The following FCN1 variants were observed in gnomAD, a reference collection of about 807,000 sequenced individuals.
The protein encoded by FCN1 is ficolin 1.
Under a neutral mutation model 35.6 loss-of-function variants are expected in FCN1, and 42 were observed. That is an observed-to-expected ratio of 1.18 (90% CI 0.92 to 1.53). The LOEUF is 1.53. Among genes scored for constraint, FCN1 ranks in the 40% most tolerant of loss-of-function variants. The pLI is 0.00. For missense variants in FCN1, 439 were observed against 428.4 expected (o/e 1.02, Z -0.22); for synonymous variants, 179 against 169.8 (o/e 1.05, Z -0.42).
chr9:134,911,303 GA>G, intron 7 of FCN1, 36 bp from the exon 8 acceptor site: 1 of 1,593,714 alleles, frequency 6.3e-7, no homozygotes, highest in South Asian at 1.1e-5. Context: ...CAGCCTTTAA[GA>G]TCTTTCTGTC....
At position 134,905,962 on chromosome 9, in the gene FCN1, C is replaced by T. The variant is rs961826079; in HGVS notation, c.*3836G>A. 8.1e-6 allele frequency: 1 copy of T among 124,006 alleles called. No homozygotes were observed. The highest frequency in any genetic ancestry group is 1.5e-5 in the Non-Finnish European group (1 of 66,370). The allele number at this position is 124,006 out of a possible 1,614,324, so 7.7% of individuals were successfully genotyped here. On this transcript the variant is annotated 3_prime_UTR_variant, in exon 9 of 9. Transcript: ENST00000371806. The stretch of plus-strand genomic sequence containing the variant: ...CCCTCTCCCTCTCCCTCTCCCTCTC[C>T]CTCTTTCTCCTTCTTCTTCTTCTTC...
At position 134,904,517 on chromosome 9, in the gene FCN1, A is replaced by G. The variant is rs1830918104; in HGVS notation, c.*5281T>C. ...TATGAGGCTGGGCACGGTGTCTCACATCTGTAATCCTAGCACTTTGGGAGG... is the reference window on the plus strand; with the variant it reads ...TATGAGGCTGGGCACGGTGTCTCACGTCTGTAATCCTAGCACTTTGGGAGG... On this transcript the variant is annotated 3_prime_UTR_variant, in exon 9 of 9. Transcript: ENST00000371806. Among the ~76,000 whole-genome samples the G allele has an allele frequency of 6.6e-6, 1 of 152,194 alleles. No individual in the cohort carries two copies. The highest frequency in any genetic ancestry group is 2.4e-5 in the African/African-American group (1 of 41,454).
chr9:134,912,824 C>G (rs777229222), intron 6 of FCN1, among the ~76,000 whole-genome samples, 192 bp downstream of exon 6: 10 of 152,238 alleles, frequency 6.6e-5, no homozygotes, highest in Admixed American at 1.3e-4. Context: ...CCAAGCCACA[C>G]AGCAGGAGAG....
intron 4 of FCN1, among the ~76,000 whole-genome samples, chr9:134,914,014 G>A (rs1831060422): frequency 1.3e-5 from 2 of 151,386 alleles, no homozygotes; most frequent in South Asian, 2.1e-4. Flanking sequence ...CTCAGCCCCC[G>A]GCTCCGGTTT....
intron 5 of FCN1, 43 bp from the exon 6 acceptor site, chr9:134,913,186 G>A (rs774450314): frequency 6.2e-7 from 1 of 1,609,054 alleles, no homozygotes. Context: ...CGGGGGCCCT[G>A]GGCAGGACAG....
In FCN1 at chr9:134,911,188, A is replaced by C; in HGVS notation, c.678T>G (p.Ala226=). 1 of 1,614,186 alleles carries C rather than the reference A, an allele frequency of 6.2e-7. No homozygotes were observed. ...CCAGCTTGTACTTCTCTGCCTCGTC[A>C]GCCACCTTGAATGATTTGTACTTAG... ...QFAKYKSFKV[A]DEAEKYKLVL... is the part of the protein sequence containing the mutation. The change falls in exon 8 of 9, where the codon GCT becomes GCG. Residue 226 remains alanine, a synonymous_variant. Transcript: ENST00000371806.
In FCN1 at chr9:134,913,573, T is replaced by C; in HGVS notation, c.340+8A>G. On this transcript the variant is annotated splice_region_variant and intron_variant, in intron 5 of 8. Transcript: ENST00000371806. The stretch of plus-strand genomic sequence containing the variant: ...CTTGGGTACCGAGGTCAGGGTGTGA[T>C]CAGTCACCTGTCGCACACGACTGAG... The C allele has an allele frequency of 6.2e-7, 1 of 1,605,302 alleles. No homozygotes were observed. The highest frequency in any genetic ancestry group is 8.5e-7 in the Non-Finnish European group (1 of 1,174,896).
At position 134,912,675 on chromosome 9, in the gene FCN1, G is replaced by C. The variant is rs574736492; in HGVS notation, c.469-60C>G. 25 of 1,610,208 alleles carry C rather than the reference G, an allele frequency of 1.6e-5. No homozygotes were observed. In the East Asian group the frequency reaches 2.5e-4, roughly 16 times the overall value. ...CAGGCCGAGGTCCCACAGCACCGGGGACCCGCCCTCCAGAGGAGCAGCATT... is the reference window on the plus strand; with the variant it reads ...CAGGCCGAGGTCCCACAGCACCGGGCACCCGCCCTCCAGAGGAGCAGCATT... On this transcript the variant is annotated intron_variant, in intron 6 of 8. Coordinates refer to ENST00000371806, the MANE Select transcript of FCN1 (RefSeq NM_002003.5).
rs576110383 is a variant in FCN1, at chr9:134,909,951, T to C, written c.828A>G (p.Gly276=). 6.2e-7 allele frequency: 1 copy of C among 1,614,084 alleles called. No individual in the cohort carries two copies. The highest frequency in any genetic ancestry group is 1.3e-5 in the African/African-American group (1 of 75,006). Residue 276 remains glycine (G), a synonymous_variant, in exon 9 of 9, where the codon GGA becomes GGG. Coordinates refer to ENST00000371806, the MANE Select transcript of FCN1 (RefSeq NM_002003.5). ...SSSNCAEKFQ[G]AWWYADCHAS... ...CATGACAGTCGGCGTACCACCAGGCTCCTTGGAACTTCTCAGCACAATTCG... is the reference window on the plus strand; with the variant it reads ...CATGACAGTCGGCGTACCACCAGGCCCCTTGGAACTTCTCAGCACAATTCG...
Position 134,917,878 on chromosome 9 carries a change from T to C in FCN1, c.-7A>G. The C allele has an allele frequency of 6.2e-7, 1 of 1,604,402 alleles. No homozygotes were observed. Among genetic ancestry groups the C allele is most frequent in the Non-Finnish European group, 8.5e-7 (1 of 1,171,374 alleles). On this transcript the variant is annotated 5_prime_UTR_variant, in exon 1 of 9. Coordinates refer to ENST00000371806, the MANE Select transcript of FCN1 (RefSeq NM_002003.5). ...TGGCTCCACTCAGCTCCATGCTCTC[T>C]GGCCTTTGACTCTGAAGAGTCCCCC...
intron 5 of FCN1, 48 bp from the exon 6 acceptor site, chr9:134,913,191 G>C (rs1164380271): frequency 6.2e-7 from 1 of 1,609,796 alleles, no homozygotes. Context: ...GCCCTGGGCA[G>C]GACAGGGGCA....
chr9:134,917,065 G>A (rs931250515), intron 1 of FCN1, among the ~76,000 whole-genome samples: 4 of 152,138 alleles, frequency 2.6e-5, no homozygotes, highest in South Asian at 2.1e-4. Context: ...AAATCTACAC[G>A]CCCTGCTAAG....
In FCN1 at chr9:134,910,747, A is replaced by G. The variant is rs534760219; in HGVS notation, c.733+386T>C. On this transcript the variant is annotated intron_variant, in intron 8 of 8. Transcript: ENST00000371806. Reference sequence around the variant, plus strand: ...TTCCCTAAGCAGACGCCCTGTAGGAAATGCCTCCCCAGATCGTGTAGCCAG... The same window carrying G: ...TTCCCTAAGCAGACGCCCTGTAGGAGATGCCTCCCCAGATCGTGTAGCCAG... Among the ~76,000 whole-genome samples, 22 of 152,318 alleles carry G rather than the reference A, an allele frequency of 1.4e-4. 1 individual carries two copies. In the South Asian group the frequency reaches 4.6e-3, roughly 32 times the overall value.
At chr9:134,916,192 G>A (rs1177840654) in intron 2 of FCN1, among the ~76,000 whole-genome samples, 156 bp downstream of exon 2, 1 of 152,200 alleles carries the variant, frequency 6.6e-6, no homozygotes, top group Non-Finnish European at 1.5e-5. Context: ...TTGGGCCCTG[G>A]GAGTCAGCTC....
rs1309519910 is a variant in FCN1 at position 134,905,629 on chromosome 9, A to G, written c.*4169T>C. On this transcript the variant is annotated 3_prime_UTR_variant, in exon 9 of 9. Coordinates refer to ENST00000371806, the MANE Select transcript of FCN1 (RefSeq NM_002003.5). ...TTCTCGAGTAGCTGGGACGATAGGCATCCCCCACCATGAACGGCTAATTTT... is the reference window on the plus strand; with the variant it reads ...TTCTCGAGTAGCTGGGACGATAGGCGTCCCCCACCATGAACGGCTAATTTT... Among the ~76,000 whole-genome samples, 1 of 151,694 alleles carries G rather than the reference A, an allele frequency of 6.6e-6. No individual in the cohort carries two copies. The highest frequency in any genetic ancestry group is 1.5e-5 in the Non-Finnish European group (1 of 67,944).
rs201446806 is a variant in FCN1, at chr9:134,909,369, G to T, written c.*429C>A. The T allele has an allele frequency of 2.1e-3, 2,755 of 1,289,896 alleles. 78 individuals are homozygous for T. The South Asian group carries it at 0.032, about 15-fold the overall frequency. 79.9% of individuals were successfully genotyped at this position (1,289,896 alleles called of 1,614,324 possible). A position where few individuals can be genotyped will look rare whatever the true frequency, so the allele number is the denominator to read the frequency against. ...CATGGGGGGATGGGGGAGGCTTGGG[G>T]GTGGAGGTGAGGATCGCCCTGTGTC... On this transcript the variant is annotated 3_prime_UTR_variant, in exon 9 of 9. Transcript: ENST00000371806.
intron 7 of FCN1, among the ~76,000 whole-genome samples, chr9:134,911,482 T>C (rs1270821062): frequency 1.3e-5 from 2 of 151,518 alleles, no homozygotes; most frequent in Non-Finnish European, 2.9e-5. Context: ...GTAGCTGGGA[T>C]TACAGGTGTG....
chr9:134,913,293 A>G, intron 5 of FCN1, 150 bp from the exon 6 acceptor site: 1 of 1,121,420 alleles, frequency 8.9e-7, no homozygotes, highest in Admixed American at 2.1e-5. Flanking sequence ...CACGGCCCCC[A>G]GGGCCACGCA....
At chr9:134,914,846 A>C in intron 2 of FCN1, 37 bp from the exon 3 acceptor site, 1 of 1,536,664 alleles carries the variant, frequency 6.5e-7, no homozygotes, top group Non-Finnish European at 9.0e-7. Flanking sequence ...AGAAAAATGC[A>C]ACCTAAACAA....
Sources: gnomAD v4.1 joint callset for allele counts (sites outside exome capture counted in the v4.1 genomes callset) on GRCh38, gnomAD v4.1.1 for gene constraint, MANE v1.5 for transcripts, NCBI Gene and HGNC (gene_info 2026-07-23, HGNC 2026-07-21) for gene names.